The following CDH11 variants were observed in gnomAD, a reference collection of about 807,000 sequenced individuals.
CDH11 encodes cadherin 11, also known as cadherin-11.
Under a neutral mutation model 67.8 loss-of-function variants are expected in CDH11, and 11 were observed. That is an observed-to-expected ratio of 0.16 (90% CI 0.10 to 0.27). The LOEUF (loss-of-function observed/expected upper bound fraction) is 0.27. Among genes scored for constraint, CDH11 ranks in the 10% least tolerant of loss-of-function variants. The pLI, the probability that CDH11 is intolerant of heterozygous loss-of-function variation, is 1.00. For missense variants in CDH11, 847 were observed against 1,031.2 expected (o/e 0.82, Z 2.45); for synonymous variants, 419 against 400.0 (o/e 1.05, Z -0.57).
chr16:64,951,058 A>G (rs2071350153), intron 11 of CDH11, 40 bp from the exon 12 acceptor site: 1 of 1,592,070 alleles, frequency 6.3e-7, no homozygotes, highest in Non-Finnish European at 8.6e-7. Flanking sequence ...CCCAGTCAAG[A>G]CCATTGGAAT....
intron 1 of CDH11, among the ~76,000 whole-genome samples, chr16:65,060,496 G>A (rs2074220626): frequency 1.3e-5 from 2 of 151,794 alleles, no homozygotes; most frequent in Non-Finnish European, 2.9e-5. Flanking sequence ...TTTTTTTTAG[G>A]GTGGAGGTGA....
intron 1 of CDH11, among the ~76,000 whole-genome samples, chr16:65,089,633 T>C (rs1824632693): frequency 6.6e-6 from 1 of 152,186 alleles, no homozygotes; most frequent in South Asian, 2.1e-4. Context: ...TCCAGTTCTA[T>C]GTATTAATTA....
intron 1 of CDH11, among the ~76,000 whole-genome samples, chr16:65,115,427 G>A (rs1442847024): frequency 2.6e-5 from 4 of 152,078 alleles, no homozygotes; most frequent in Non-Finnish European, 4.4e-5. Context: ...GGATAAGAAA[G>A]AACTGCTACC....
chr16:64,976,009 C>G (rs1236842076), intron 8 of CDH11, among the ~76,000 whole-genome samples: 1 of 152,140 alleles, frequency 6.6e-6, no homozygotes, highest in Non-Finnish European at 1.5e-5. Context: ...GTGGAAACAG[C>G]TGTTTTTGTT....
chr16:64,948,049 T>C lies in CDH11; in HGVS notation c.1945A>G (p.Ile649Val), dbSNP rs201059793. 508 of 1,613,982 alleles carry C rather than the reference T, an allele frequency of 3.1e-4. No individual in the cohort carries two copies. The highest frequency in any genetic ancestry group is 3.8e-4 in the Admixed American group (23 of 60,004). ...TLRRQKKEPL[I>V]VFEEEDVREN... ...CGGACATCTTCTTCCTCAAAGACAA[T>C]GAGTGGTTCTTTCTTTTGCCTTCTC... The change falls in exon 13 of 13, where the codon ATT becomes GTT. Residue 649 changes from isoleucine (I) to valine (V), a missense_variant. Ile to Val is a conservative substitution (Grantham distance 29). This residue lies in a region of CDH11 where 612 missense variants were observed against 678.7 expected (regional missense o/e 0.90). Coordinates refer to ENST00000268603, the MANE Select transcript of CDH11 (RefSeq NM_001797.4).
chr16:65,019,920 C>T (rs1401563036), intron 2 of CDH11, among the ~76,000 whole-genome samples: 3 of 152,000 alleles, frequency 2.0e-5, no homozygotes, highest in Non-Finnish European at 4.4e-5. Flanking sequence ...TTTCCCATGC[C>T]TTATTATAAT....
intron 1 of CDH11, among the ~76,000 whole-genome samples, chr16:65,120,524 G>T (rs971527303): frequency 6.6e-6 from 1 of 152,140 alleles, no homozygotes; most frequent in Admixed American, 6.6e-5. Flanking sequence ...GATTTCTTTA[G>T]GGGGAGACGA....
chr16:65,046,222 G>A (rs1314343587), intron 2 of CDH11, among the ~76,000 whole-genome samples: 2 of 152,194 alleles, frequency 1.3e-5, no homozygotes, highest in Non-Finnish European at 2.9e-5. Flanking sequence ...AGATAATGCT[G>A]TCTATATGGC....
At chr16:65,011,642 C>A (rs571718450) in intron 2 of CDH11, among the ~76,000 whole-genome samples, 3 of 152,084 alleles carry the variant, frequency 2.0e-5, no homozygotes, top group East Asian at 1.9e-4. Flanking sequence ...TTAAGACAGC[C>A]TTTTTATTGG....
chr16:65,038,971 A>G (rs907663250), intron 2 of CDH11, among the ~76,000 whole-genome samples: 2 of 152,170 alleles, frequency 1.3e-5, no homozygotes, highest in African/African-American at 4.8e-5. Context: ...CATTGTTGCC[A>G]CTCATATTCT....
chr16:65,011,343 C>T (rs966390268), intron 2 of CDH11, among the ~76,000 whole-genome samples: 4 of 152,054 alleles, frequency 2.6e-5, no homozygotes, highest in African/African-American at 9.6e-5. Flanking sequence ...ATTGCATGAC[C>T]AACTCCAAGG....
chr16:65,116,067 C>G (rs148188224), intron 1 of CDH11, among the ~76,000 whole-genome samples: 2,465 of 152,316 alleles, frequency 0.016, 32 homozygotes, highest in South Asian at 0.024. Context: ...CCTGGCCCCG[C>G]TGCTGGGCAC....
intron 2 of CDH11, among the ~76,000 whole-genome samples, chr16:65,025,335 GT>G (rs944082249): frequency 2.4e-4 from 37 of 152,150 alleles, no homozygotes; most frequent in Admixed American, 9.8e-4. Context: ...ATTTGGGTAG[GT>G]TTTTTTCCCC....
chr16:65,100,006 A>T (rs139563445), intron 1 of CDH11, among the ~76,000 whole-genome samples: 1 of 152,200 alleles, frequency 6.6e-6, no homozygotes, highest in Non-Finnish European at 1.5e-5. Context: ...AAGGGCAGAA[A>T]ACTTTGACAA....
intron 2 of CDH11, among the ~76,000 whole-genome samples, chr16:65,047,649 C>T (rs1240238811): frequency 6.6e-6 from 1 of 152,124 alleles, no homozygotes; most frequent in Non-Finnish European, 1.5e-5. Context: ...CATGCCAGGT[C>T]TCACCTTTTA....
chr16:65,097,531 C>T (rs754339532), intron 1 of CDH11, among the ~76,000 whole-genome samples: 3 of 152,184 alleles, frequency 2.0e-5, no homozygotes, highest in Non-Finnish European at 4.4e-5. Context: ...TGGCCCCTAT[C>T]CACTTGATGC....
chr16:64,981,097 C>CTTTTTTTTTTTTTTTTT (rs71376752), intron 8 of CDH11: 3 of 116,468 alleles, frequency 2.6e-5, no homozygotes, highest in African/African-American at 1.2e-4. Context: ...TTCTTTCTTT[C>CTTTTTTTTTTTTTTTTT]TTTTTTTTTT....
intron 1 of CDH11, among the ~76,000 whole-genome samples, chr16:65,057,047 CA>C (rs544290045): frequency 1.3e-3 from 196 of 151,124 alleles, no homozygotes; most frequent in African/African-American, 3.4e-3. Flanking sequence ...ATGTTTCTTA[CA>C]AAAAAAAATG....
chr16:65,075,558 C>G (rs1232823994), intron 1 of CDH11, among the ~76,000 whole-genome samples: 6 of 152,180 alleles, frequency 3.9e-5, no homozygotes, highest in Non-Finnish European at 4.4e-5. Context: ...TCTGTCTAAG[C>G]AGGATTTATG....
Sources: allele counts gnomAD v4.1 joint callset (sites outside exome capture counted in the v4.1 genomes callset), GRCh38; gene constraint gnomAD v4.1.1; regional missense constraint gnomAD v4.1.1; transcripts MANE v1.5; gene names NCBI Gene and HGNC (gene_info 2026-07-23, HGNC 2026-07-21).